TLN2: variants seen among roughly 807,000 people sequenced by gnomAD.
TLN2 encodes talin 2, also known as talin-2.
TLN2 carries 118 observed loss-of-function variants against 294.7 expected under a neutral mutation model. That is an observed-to-expected ratio of 0.40 (90% CI 0.34 to 0.47). The LOEUF (loss-of-function observed/expected upper bound fraction) is 0.47, where lower values mean the gene tolerates loss of function less well. TLN2 is among the 20% of genes least tolerant of loss of function. TLN2 has a pLI of 0.84. For synonymous variants in TLN2, 1,431 were observed against 1,304.5 expected (o/e 1.10, Z -2.09); for missense variants, 3,083 against 3,282.2 (o/e 0.94, Z 1.48).
chr15:62,467,292 G>C (rs986673895), intron 1 of TLN2, among the ~76,000 whole-genome samples: 5 of 152,180 alleles, frequency 3.3e-5, no homozygotes, highest in Non-Finnish European at 7.3e-5. Flanking sequence ...TTGCTTCCCA[G>C]ATAGGGGTGA....
chr15:62,763,599 C>T lies in TLN2; in HGVS notation c.4998C>T (p.Ser1666=). ...KAPGQRECDY[S]IDGINRCIRD... is the part of the protein sequence containing the mutation. ...CTGGACAGAGGGAGTGTGATTACTC[C>T]ATCGATGGCATCAACCGGTGCATCC... The change falls in exon 40 of 59, where the codon TCC becomes TCT. Residue 1666 remains serine (S), a synonymous_variant. Coordinates refer to ENST00000636159, the MANE Select transcript of TLN2 (RefSeq NM_015059.3). 2 of 1,613,734 alleles carry T rather than the reference C, an allele frequency of 1.2e-6. No homozygotes were observed. Among genetic ancestry groups the T allele is most frequent in the Non-Finnish European group, 8.5e-7 (1 of 1,179,874 alleles).
chr15:62,741,865 G>T (rs573853158), intron 32 of TLN2, among the ~76,000 whole-genome samples: 2 of 151,222 alleles, frequency 1.3e-5, no homozygotes, highest in South Asian at 4.2e-4. Context: ...GACTAACTCA[G>T]TCGCATTGGT....
At chr15:62,482,084 C>T (rs2038132540) in intron 1 of TLN2, among the ~76,000 whole-genome samples, 1 of 152,054 alleles carries the variant, frequency 6.6e-6, no homozygotes, top group African/African-American at 2.4e-5. Flanking sequence ...TGAGCCACCG[C>T]ACCTGGCTAT....
Position 62,702,856 on chromosome 15 carries a change from C to T in TLN2, c.1996C>T (p.Arg666Ter). ...GATTGGAGAGAATGAGACTGATGAGCGATTCCAGGTAAGATATTTGCAGGC... is the reference window on the plus strand; with the variant it reads ...GATTGGAGAGAATGAGACTGATGAGTGATTCCAGGTAAGATATTTGCAGGC... ...RQIGENETDE[R>*]FQDVLMSLAK... Residue 666 changes from arginine (R) to a stop codon, truncating the protein, a stop_gained, in exon 19 of 59, where the codon CGA becomes TGA. Transcript: ENST00000636159. LOFTEE classifies it high-confidence loss of function. 3 of 1,613,828 alleles carry T rather than the reference C, an allele frequency of 1.9e-6. No homozygotes were observed. Among genetic ancestry groups the T allele is most frequent in the Non-Finnish European group, 2.5e-6 (3 of 1,179,834 alleles).
chr15:62,544,512 C>G (rs1219632902), intron 1 of TLN2, among the ~76,000 whole-genome samples: 1 of 152,122 alleles, frequency 6.6e-6, no homozygotes, highest in Non-Finnish European at 1.5e-5. Flanking sequence ...ACTGTGTGTA[C>G]AAGGAAGGAT....
rs141890260 is a variant in TLN2 at position 62,727,165 on chromosome 15, G to C, written c.3334G>C (p.Ala1112Pro). The part of the protein sequence containing the change: ...SSMAQLLTCA[A>P]QGNEHYTGVA... ...CATGGCACAGCTGCTGACCTGTGCT[G>C]CTCAAGGCAACGAACACTACACAGG... Residue 1112 changes from alanine (A) to proline (P), a missense_variant, in exon 28 of 59, where the codon GCT becomes CCT. Physicochemically the swap from Ala to Pro is conservative, Grantham distance 27 (BLOSUM62 -1). Transcript: ENST00000636159. 7.4e-6 allele frequency: 12 copies of C among 1,614,062 alleles called. No homozygotes were observed. In the African/African-American group the frequency reaches 1.1e-4, roughly 14 times the overall value.
intron 12 of TLN2, among the ~76,000 whole-genome samples, chr15:62,689,178 G>A (rs144847791): frequency 1.3e-5 from 2 of 149,888 alleles, no homozygotes; most frequent in Admixed American, 1.3e-4. Context: ...TGTTCTTAGT[G>A]GTTATTTTGG....
At chr15:62,429,728 A>G (rs1466551566) in intron 1 of TLN2, among the ~76,000 whole-genome samples, 1 of 152,190 alleles carries the variant, frequency 6.6e-6, no homozygotes, top group East Asian at 1.9e-4. Context: ...GTGAATTGCT[A>G]AAACATCAGG....
intron 1 of TLN2, among the ~76,000 whole-genome samples, chr15:62,513,991 C>G (rs1468210116): frequency 6.6e-6 from 1 of 152,182 alleles, no homozygotes; most frequent in Non-Finnish European, 1.5e-5. Flanking sequence ...CTAACCAAAG[C>G]AAAAGAAATT....
intron 1 of TLN2, among the ~76,000 whole-genome samples, chr15:62,541,997 G>A (rs993370133): frequency 5.3e-5 from 8 of 151,478 alleles, no homozygotes; most frequent in African/African-American, 1.2e-4. Flanking sequence ...AACCCTTGGC[G>A]AATACTTTCA....
intron 37 of TLN2, among the ~76,000 whole-genome samples, chr15:62,760,350 A>G (rs1348148119): frequency 2.0e-5 from 3 of 152,138 alleles, no homozygotes; most frequent in Admixed American, 6.5e-5. Context: ...CCTTCAAACC[A>G]ACGGTGGCTG....
chr15:62,468,772 C>A lies in TLN2; in HGVS notation c.-238+78087C>A, dbSNP rs12439186. ...AAAAAAAATAAAAATAAAAAAAATA[C>A]AAAAATAAAAAAAAAAATACAAAGG... On this transcript the variant is annotated intron_variant, in intron 1 of 58. Transcript: ENST00000636159. Among the ~76,000 whole-genome samples the A allele has an allele frequency of 1.4e-3, 37 of 25,934 alleles. No homozygotes were observed. The East Asian group carries it at 0.12, about 85-fold the overall frequency. The allele number at this position is 25,934 out of a possible 152,430, so 17.0% of individuals were successfully genotyped here. A position where few individuals can be genotyped will look rare whatever the true frequency, so the allele number is the denominator to read the frequency against.
intron 21 of TLN2, 60 bp downstream of exon 21, chr15:62,708,856 CTAACCCA>C: frequency 6.6e-7 from 1 of 1,526,416 alleles, no homozygotes; most frequent in South Asian, 1.2e-5. Flanking sequence ...GATGGTGGTG[CTAACCCA>C]TAGGGAAGGT....
chr15:62,686,147 G>T (rs996378498), intron 11 of TLN2, among the ~76,000 whole-genome samples: 5 of 151,994 alleles, frequency 3.3e-5, no homozygotes, highest in Non-Finnish European at 7.4e-5. Context: ...CCAAAACAAA[G>T]AATCCAAACA....
chr15:62,392,843 A>G (rs954035247), intron 1 of TLN2, among the ~76,000 whole-genome samples: 4 of 152,058 alleles, frequency 2.6e-5, no homozygotes, highest in African/African-American at 7.2e-5. Flanking sequence ...TCCCTGATTC[A>G]TTTCATGAAG....
chr15:62,723,641 T>C (rs181171302), intron 26 of TLN2, among the ~76,000 whole-genome samples: 7 of 147,714 alleles, frequency 4.7e-5, no homozygotes, highest in African/African-American at 7.5e-5. Context: ...TCTGCTGAAC[T>C]TAAGCAGTCT....
At chr15:62,485,761 C>CTGTG (rs2038356387) in intron 1 of TLN2, among the ~76,000 whole-genome samples, 2 of 152,172 alleles carry the variant, frequency 1.3e-5, no homozygotes, top group Admixed American at 1.3e-4. Context: ...CTGGCTCAAT[C>CTGTG]TGTGTGTCTG....
intron 1 of TLN2, among the ~76,000 whole-genome samples, chr15:62,491,458 C>A (rs1318919395): frequency 6.6e-6 from 1 of 151,336 alleles, no homozygotes; most frequent in Non-Finnish European, 1.5e-5. Flanking sequence ...TGGGTGGGGG[C>A]TTCCAGGTCA....
At position 62,843,133 on chromosome 15, in the gene TLN2, G is replaced by C. The variant is rs2070871896; in HGVS notation, c.*2523G>C. On this transcript the variant is annotated 3_prime_UTR_variant, in exon 59 of 59. Transcript: ENST00000636159. Reference sequence around the variant, plus strand: ...AGAGAGTGGTGTCAGAGTAAAAACGGCCCCAGGTCTGGAGCATAGAAGTGT... The same window carrying C: ...AGAGAGTGGTGTCAGAGTAAAAACGCCCCCAGGTCTGGAGCATAGAAGTGT... 6.6e-6 allele frequency: 1 copy of C among 152,110 alleles called. No individual in the cohort carries two copies. The highest frequency in any genetic ancestry group is 2.4e-5 in the African/African-American group (1 of 41,406). The allele number at this position is 152,110 out of a possible 1,614,324, so 9.4% of individuals were successfully genotyped here. A position where few individuals can be genotyped will look rare whatever the true frequency, so the allele number is the denominator to read the frequency against.
Sources: allele counts gnomAD v4.1 joint callset (sites outside exome capture counted in the v4.1 genomes callset), GRCh38; gene constraint gnomAD v4.1.1; transcripts MANE v1.5; gene names NCBI Gene and HGNC (gene_info 2026-07-23, HGNC 2026-07-21).